Variants in RNF144A observed in about 807,000 individuals in gnomAD.
RNF144A encodes ring finger protein 144A, also known as E3 ubiquitin-protein ligase RNF144A.
RNF144A carries 11 observed loss-of-function variants against 38.7 expected under a neutral mutation model. The ratio of observed to expected loss-of-function variants is 0.28; its 90% CI spans 0.18 to 0.47. RNF144A has a LOEUF of 0.47. Among genes scored for constraint, RNF144A ranks in the 20% least tolerant of loss-of-function variants. The probability of loss-of-function intolerance (pLI) is 0.99; values close to 1 mark genes in which losing one functional copy is unlikely to be tolerated. For synonymous variants in RNF144A, 149 were observed against 143.9 expected (o/e 1.04, Z -0.25); for missense variants, 316 against 377.2 (o/e 0.84, Z 1.34).
chr2:7,031,001 G>A (rs1006480536), intron 8 of RNF144A, among the ~76,000 whole-genome samples: 2 of 152,104 alleles, frequency 1.3e-5, no homozygotes, highest in Non-Finnish European at 2.9e-5. Context: ...GTCTAATGTC[G>A]CTGCTGATCT....
chr2:7,003,262 C>G (rs931188689), intron 3 of RNF144A, among the ~76,000 whole-genome samples: 2 of 152,110 alleles, frequency 1.3e-5, no homozygotes, highest in Non-Finnish European at 2.9e-5. Context: ...TTGAGTGTAG[C>G]TGAAGTATAG....
At chr2:6,947,510 G>A (rs968886864) in intron 2 of RNF144A, among the ~76,000 whole-genome samples, 6 of 152,082 alleles carry the variant, frequency 3.9e-5, no homozygotes, top group Admixed American at 1.3e-4. Flanking sequence ...ATTTGTGCCC[G>A]AGAAGAAAGT....
At chr2:7,006,467 T>C (rs309316) in intron 3 of RNF144A, among the ~76,000 whole-genome samples, 124,544 of 151,924 alleles carry the variant, frequency 0.82, 51,183 homozygotes, top group South Asian at 0.91. Flanking sequence ...AAGGGACACC[T>C]GCCTCCTCAA....
chr2:6,983,678 A>G (rs1668779396), intron 2 of RNF144A, among the ~76,000 whole-genome samples: 1 of 152,042 alleles, frequency 6.6e-6, no homozygotes, highest in South Asian at 2.1e-4. Flanking sequence ...TTGTACCGGA[A>G]TCCTCCTGTG....
At chr2:7,049,329 A>C (rs898045447) in intron 6 of RNF144A, among the ~76,000 whole-genome samples, 1 of 152,248 alleles carries the variant, frequency 6.6e-6, no homozygotes. Context: ...GATGCTTCCA[A>C]AATAACTAAG....
intron 1 of RNF144A, among the ~76,000 whole-genome samples, chr2:6,928,910 T>A (rs1450797879): frequency 6.6e-6 from 1 of 152,136 alleles, no homozygotes; most frequent in Non-Finnish European, 1.5e-5. Flanking sequence ...CTTCTGGGGG[T>A]TCTGCGTGGC....
At chr2:6,982,330 G>T (rs1668684269) in intron 2 of RNF144A, among the ~76,000 whole-genome samples, 1 of 152,196 alleles carries the variant, frequency 6.6e-6, no homozygotes, top group South Asian at 2.1e-4. Context: ...GGTACATGGG[G>T]ACTTCTTTAT....
intron 3 of RNF144A, among the ~76,000 whole-genome samples, chr2:7,000,493 A>G (rs1051438157): frequency 6.6e-6 from 1 of 152,166 alleles, no homozygotes; most frequent in Non-Finnish European, 1.5e-5. Context: ...AAAATGTAGA[A>G]GATGTTTTAA....
At chr2:6,918,750 C>T (rs528693153) in intron 1 of RNF144A, 2 of 94,688 alleles carry the variant, frequency 2.1e-5, no homozygotes, top group African/African-American at 4.1e-5. Context: ...GGCGACAGAA[C>T]GAGACTCCGT....
intron 2 of RNF144A, among the ~76,000 whole-genome samples, chr2:6,976,605 A>G (rs1041152036): frequency 6.7e-6 from 1 of 148,528 alleles, no homozygotes; most frequent in East Asian, 1.9e-4. Flanking sequence ...AATTTCATAT[A>G]TAATGATATA....
At chr2:7,030,417 T>C (rs182671216) in intron 8 of RNF144A, among the ~76,000 whole-genome samples, 2 of 152,268 alleles carry the variant, frequency 1.3e-5, no homozygotes, top group East Asian at 1.9e-4. Context: ...CTTATCCTTA[T>C]GGAAGCCCTG....
At chr2:7,027,130 G>T (rs1671958131) in intron 7 of RNF144A, among the ~76,000 whole-genome samples, 1 of 152,148 alleles carries the variant, frequency 6.6e-6, no homozygotes, top group African/African-American at 2.4e-5. Context: ...GTGCTTTCTG[G>T]CACATGCAGA....
chr2:6,985,342 T>C (rs1668886007), intron 2 of RNF144A, among the ~76,000 whole-genome samples: 1 of 151,632 alleles, frequency 6.6e-6, no homozygotes, highest in African/African-American at 2.4e-5. Context: ...AAAAGGGCTT[T>C]GATTATTATT....
At chr2:6,947,877 T>C (rs1466798363) in intron 2 of RNF144A, among the ~76,000 whole-genome samples, 1 of 152,130 alleles carries the variant, frequency 6.6e-6, no homozygotes, top group Non-Finnish European at 1.5e-5. Flanking sequence ...CATTATACAA[T>C]GGGAATGGCA....
At chr2:6,967,161 G>A (rs1487882948) in intron 2 of RNF144A, among the ~76,000 whole-genome samples, 14 of 152,186 alleles carry the variant, frequency 9.2e-5, no homozygotes, top group South Asian at 4.1e-4. Context: ...GTCACCCGCC[G>A]AGTCAAGGTT....
rs75580265 is a variant in RNF144A, at chr2:6,953,966, T to C, written c.-12+12819T>C. Among the ~76,000 whole-genome samples, 338 of 152,302 alleles carry C rather than the reference T, an allele frequency of 2.2e-3. 8 individuals carry two copies. The East Asian group carries it at 0.05, about 23-fold the overall frequency. On this transcript the variant is annotated intron_variant, in intron 2 of 8. Coordinates refer to ENST00000320892, the MANE Select transcript of RNF144A (RefSeq NM_014746.6). The stretch of plus-strand genomic sequence containing the variant: ...TGGATTCTTAATGAATTAAGACTTT[T>C]ATAATGTATTACCTTCTTTTTCTCT...
At chr2:6,945,238 C>T (rs1666254110) in intron 2 of RNF144A, among the ~76,000 whole-genome samples, 1 of 152,176 alleles carries the variant, frequency 6.6e-6, no homozygotes. Context: ...TGCTCTAGTT[C>T]CTCCTGGTTT....
At chr2:6,961,709 C>G (rs886727630) in intron 2 of RNF144A, among the ~76,000 whole-genome samples, 6 of 152,318 alleles carry the variant, frequency 3.9e-5, no homozygotes, top group Admixed American at 3.9e-4. Flanking sequence ...TTTTGTCCTT[C>G]TGCCTAGAAT....
intron 2 of RNF144A, among the ~76,000 whole-genome samples, chr2:6,949,234 C>T (rs1411578744): frequency 6.6e-6 from 1 of 152,100 alleles, no homozygotes; most frequent in Non-Finnish European, 1.5e-5. Flanking sequence ...CATTTCTTCA[C>T]TATGTGAGTA....
Sources: allele counts gnomAD v4.1 joint callset (sites outside exome capture counted in the v4.1 genomes callset), GRCh38; gene constraint gnomAD v4.1.1; transcripts MANE v1.5; gene names NCBI Gene and HGNC (gene_info 2026-07-23, HGNC 2026-07-21).